CSPG4: variants seen among roughly 807,000 people sequenced by gnomAD.
CSPG4 encodes chondroitin sulfate proteoglycan 4.
Under a neutral mutation model 139.3 loss-of-function variants are expected in CSPG4, and 74 were observed. The observed-to-expected ratio is 0.53, with a 90% CI of 0.44 to 0.64. The LOEUF (loss-of-function observed/expected upper bound fraction) is 0.64. Ranked by LOEUF, CSPG4 falls within the 30% of genes least tolerant of loss-of-function variation. The probability of loss-of-function intolerance (pLI) is 0.00; values close to 1 mark genes in which losing one functional copy is unlikely to be tolerated. For missense variants in CSPG4, 2,565 were observed against 3,148.3 expected (o/e 0.81, Z 4.43); for synonymous variants, 1,234 against 1,394.2 (o/e 0.89, Z 2.56).
Position 75,676,986 on chromosome 15 carries a change from G to A in CSPG4, c.5533C>T (p.Arg1845Ter), listed in dbSNP as rs1227880158. The change falls in exon 10 of 10, where the codon CGA becomes TGA. Residue 1845 changes from arginine to a stop codon, truncating the protein, a stop_gained. Coordinates refer to ENST00000308508, the MANE Select transcript of CSPG4 (RefSeq NM_001897.5). LOFTEE classifies it low-confidence loss of function (END_TRUNC). ...PQASVPLRLTRGSRAPISRAQ... is the reference protein window; with the variant it reads ...PQASVPLRLT ...CGGGAGATGGGGGCACGAGAGCCTC[G>A]GGTGAGCCGGAGTGGGACAGAGGCC... is the stretch of plus-strand genomic sequence containing the variant. 7 of 1,475,214 alleles carry A rather than the reference G, an allele frequency of 4.7e-6. No individual in the cohort carries two copies. The highest frequency in any genetic ancestry group is 1.4e-5 in the African/African-American group (1 of 70,874). 91.4% of individuals were successfully genotyped at this position (1,475,214 alleles called of 1,614,324 possible).
chr15:75,693,611 C>T (rs916362528), intron 1 of CSPG4, among the ~76,000 whole-genome samples: 2 of 152,230 alleles, frequency 1.3e-5, no homozygotes, highest in Non-Finnish European at 2.9e-5. Context: ...CAAAGGGAAC[C>T]GCAACTGGCC....
At chr15:75,711,598 G>A (rs1367514047) in intron 1 of CSPG4, among the ~76,000 whole-genome samples, 1 of 152,278 alleles carries the variant, frequency 6.6e-6, no homozygotes, top group Non-Finnish European at 1.5e-5. Context: ...TTCCCTTCTG[G>A]GAACCATGTG....
chr15:75,685,730 AG>A, intron 3 of CSPG4, 29 bp from the exon 4 acceptor site: 1 of 1,558,886 alleles, frequency 6.4e-7, no homozygotes, highest in Non-Finnish European at 8.6e-7. Flanking sequence ...AAGGACTCAC[AG>A]GGGGCCACAG....
intron 2 of CSPG4, among the ~76,000 whole-genome samples, chr15:75,691,795 G>C (rs1392863699): frequency 6.6e-6 from 1 of 152,096 alleles, no homozygotes; most frequent in Non-Finnish European, 1.5e-5. Flanking sequence ...GCAGAACCAG[G>C]GCACTAAGAA....
intron 8 of CSPG4, chr15:75,678,688 A>C (rs1189243027): frequency 2.2e-6 from 1 of 456,200 alleles, no homozygotes; most frequent in Admixed American, 2.3e-5. Flanking sequence ...ATTTTCCACC[A>C]GCTTCACCCC....
At chr15:75,683,479 T>C (rs1327661305) in intron 5 of CSPG4, among the ~76,000 whole-genome samples, 1 of 152,088 alleles carries the variant, frequency 6.6e-6, no homozygotes, top group Non-Finnish European at 1.5e-5. Context: ...CAGGTGGGAA[T>C]GGTGATTTTA....
intron 3 of CSPG4, among the ~76,000 whole-genome samples, chr15:75,686,633 G>A (rs1229728427): frequency 3.9e-5 from 6 of 152,214 alleles, no homozygotes; most frequent in Admixed American, 6.5e-5. Flanking sequence ...CTCCTCCCGC[G>A]AGGCCTTCCT....
intron 1 of CSPG4, among the ~76,000 whole-genome samples, chr15:75,711,665 C>T (rs1894448667): frequency 6.6e-6 from 1 of 152,248 alleles, no homozygotes; most frequent in South Asian, 2.1e-4. Context: ...GTGGCCTGGG[C>T]CCTTGTGAAG....
At position 75,712,809 on chromosome 15, in the gene CSPG4, G is replaced by T; in HGVS notation, c.-54C>A. On this transcript the variant is annotated 5_prime_UTR_variant, in exon 1 of 10. Transcript: ENST00000308508. ...AGGAGCCAGCGGAGTCCTGGGAGCT[G>T]GGAGCTGAGTGGAGCGAGCGCGGCT... The T allele has an allele frequency of 6.8e-7, 1 of 1,461,080 alleles. No individual in the cohort carries two copies. The allele number at this position is 1,461,080 out of a possible 1,614,324, so 90.5% of individuals were successfully genotyped here.
chr15:75,686,861 TG>T (rs1894066210), intron 3 of CSPG4, among the ~76,000 whole-genome samples: 1 of 150,514 alleles, frequency 6.6e-6, no homozygotes, highest in South Asian at 2.1e-4. Flanking sequence ...GAGAAAAGAG[TG>T]GGGGACATGA....
At position 75,689,595 on chromosome 15, in the gene CSPG4, T is replaced by C; in HGVS notation, c.1470A>G (p.Ala490=). The change falls in exon 3 of 10, where the codon GCA becomes GCG. Residue 490 remains alanine, a synonymous_variant. Coordinates refer to ENST00000308508, the MANE Select transcript of CSPG4 (RefSeq NM_001897.5). ...CGTCCAGGAGGGTGAACATTTTTCG[T>C]GCCTGGGCTCCCGGGATGTCCAGCT... ...ELELDIPGAQ[A]RKMFTLLDVV... 6.2e-7 allele frequency: 1 copy of C among 1,612,754 alleles called. No individual in the cohort carries two copies. The highest frequency in any genetic ancestry group is 8.5e-7 in the Non-Finnish European group (1 of 1,179,818).
Position 75,682,892 on chromosome 15 carries a change from G to T in CSPG4, c.4599C>A (p.Ser1533Arg). 6.2e-7 allele frequency: 1 copy of T among 1,610,842 alleles called. No homozygotes were observed. Among genetic ancestry groups the T allele is most frequent in the Non-Finnish European group, 8.5e-7 (1 of 1,179,626 alleles). The change falls in exon 6 of 10, where the codon AGC becomes AGA. Residue 1533 changes from serine to arginine, a missense_variant. Ser to Arg is a moderately radical substitution (Grantham distance 110). This residue lies in a region of CSPG4 where 2,316 missense variants were observed against 2,818.2 expected (regional missense o/e 0.82). Transcript: ENST00000308508. The part of the protein sequence containing the change: ...LRGAPGTEVR[S>R]FTQAQLDGGL... Reference sequence around the variant, plus strand: ...CGCCGTCCAGCTGGGCCTGCGTGAAGCTGCGCACCTCAGTGCCCGGCGCCC... The same window carrying T: ...CGCCGTCCAGCTGGGCCTGCGTGAATCTGCGCACCTCAGTGCCCGGCGCCC...
chr15:75,678,284 G>A (rs372755334), intron 8 of CSPG4, among the ~76,000 whole-genome samples: 1 of 152,144 alleles, frequency 6.6e-6, no homozygotes, highest in African/African-American at 2.4e-5. Context: ...CCCCCCAGAT[G>A]CATCATTCCC....
Position 75,678,899 on chromosome 15 carries a change from G to A in CSPG4, c.4951-1013C>T, listed in dbSNP as rs1457247822. 5 of 405,502 alleles carry A rather than the reference G, an allele frequency of 1.2e-5. No individual in the cohort carries two copies. The East Asian group carries it at 2.9e-4, about 24-fold the overall frequency. The allele number at this position is 405,502 out of a possible 1,614,324, so 25.1% of individuals were successfully genotyped here. ...TTAACTGCTCAGTGGCACTGGTGCC[G>A]CCAAGCAACCCTTCCTCCAAGAGAG... is the stretch of plus-strand genomic sequence containing the variant. On this transcript the variant is annotated intron_variant, in intron 8 of 9. Coordinates refer to ENST00000308508, the MANE Select transcript of CSPG4 (RefSeq NM_001897.5).
At chr15:75,702,017 C>T (rs944064990) in intron 1 of CSPG4, among the ~76,000 whole-genome samples, 12 of 152,246 alleles carry the variant, frequency 7.9e-5, no homozygotes, top group African/African-American at 2.2e-4. Flanking sequence ...AGGCGGCTGG[C>T]CACCGTCCTC....
chr15:75,708,615 C>T (rs1480732004), intron 1 of CSPG4, among the ~76,000 whole-genome samples: 1 of 152,224 alleles, frequency 6.6e-6, no homozygotes, highest in Non-Finnish European at 1.5e-5. Context: ...GTCCACCTGG[C>T]CTGATGTGGG....
At chr15:75,683,339 C>A (rs942649816) in intron 5 of CSPG4, among the ~76,000 whole-genome samples, 2 of 152,218 alleles carry the variant, frequency 1.3e-5, no homozygotes, top group Non-Finnish European at 2.9e-5. Flanking sequence ...AAGGCCCCAG[C>A]TCTTACCCTC....
rs1007588370 is a variant in CSPG4 at position 75,681,765 on chromosome 15, C to T, written c.4950+528G>A. Among the ~76,000 whole-genome samples the T allele has an allele frequency of 9.2e-5, 14 of 152,208 alleles. No homozygotes were observed. The East Asian group carries it at 1.2e-3, about 13-fold the overall frequency. On this transcript the variant is annotated intron_variant, in intron 8 of 9. Coordinates refer to ENST00000308508, the MANE Select transcript of CSPG4 (RefSeq NM_001897.5). The stretch of plus-strand genomic sequence containing the variant: ...CTGGTGGTCTCTGAAGCCACCAGGA[C>T]GGATGAACAGCAGCTTCACCCTCTT...
chr15:75,708,645 G>A (rs1300099607), intron 1 of CSPG4, among the ~76,000 whole-genome samples: 1 of 152,228 alleles, frequency 6.6e-6, no homozygotes, highest in Non-Finnish European at 1.5e-5. Flanking sequence ...TGCTGTTGGG[G>A]TGAGTGAGAA....
Sources: gnomAD v4.1 joint callset for allele counts (sites outside exome capture counted in the v4.1 genomes callset) on GRCh38, gnomAD v4.1.1 for gene constraint, gnomAD v4.1.1 regional missense constraint, MANE v1.5 for transcripts, NCBI Gene and HGNC (gene_info 2026-07-23, HGNC 2026-07-21) for gene names.